Variants in GRIK1 observed in about 807,000 individuals in gnomAD.
The protein encoded by GRIK1 is glutamate ionotropic receptor kainate type subunit 1.
Under a neutral mutation model 105.7 loss-of-function variants are expected in GRIK1, and 69 were observed. The ratio of observed to expected loss-of-function variants is 0.65; its 90% CI spans 0.54 to 0.80. GRIK1 has a LOEUF of 0.80. GRIK1 is among the 30% of genes least tolerant of loss of function. The probability of loss-of-function intolerance (pLI) is 0.00; values close to 1 mark genes in which losing one functional copy is unlikely to be tolerated. For synonymous variants in GRIK1, 438 were observed against 431.3 expected (o/e 1.02, Z -0.19); for missense variants, 1,109 against 1,167.3 (o/e 0.95, Z 0.73).
intron 3 of GRIK1, among the ~76,000 whole-genome samples, chr21:29,682,528 A>G (rs1448010264): frequency 6.6e-6 from 1 of 152,130 alleles, no homozygotes; most frequent in East Asian, 1.9e-4. Context: ...AATTCAAGGT[A>G]TTATCCTTCT....
intron 16 of GRIK1, among the ~76,000 whole-genome samples, chr21:29,552,598 G>A (rs2090153421): frequency 1.3e-5 from 2 of 152,022 alleles, no homozygotes; most frequent in Non-Finnish European, 2.9e-5. Flanking sequence ...AGAAAAGATT[G>A]TTCCAAGAAC....
At chr21:29,719,081 C>CATACAT (rs1555877737) in intron 1 of GRIK1, among the ~76,000 whole-genome samples, 4 of 143,320 alleles carry the variant, frequency 2.8e-5, no homozygotes, top group African/African-American at 1.0e-4. Context: ...TGTGTATATA[C>CATACAT]ATATATATAT....
intron 11 of GRIK1, 28 bp downstream of exon 11, chr21:29,588,811 C>A (rs363433): frequency 0.16 from 190,246 of 1,173,066 alleles, 17,319 homozygotes; most frequent in Admixed American, 0.32. Flanking sequence ...TGCATATTTT[C>A]AGATATGTTA....
chr21:29,581,628 A>G, intron 12 of GRIK1, 85 bp from the exon 13 acceptor site: 1 of 724,216 alleles, frequency 1.4e-6, no homozygotes, highest in South Asian at 1.7e-5. Context: ...AGCAATGCAG[A>G]AAACCCAACA....
chr21:29,713,508 A>G (rs942117224), intron 1 of GRIK1, among the ~76,000 whole-genome samples: 8 of 152,186 alleles, frequency 5.3e-5, no homozygotes, highest in Non-Finnish European at 1.0e-4. Flanking sequence ...TTTGGAATTT[A>G]TCTTGAGGCA....
At chr21:29,784,594 C>T (rs111966126) in intron 1 of GRIK1, among the ~76,000 whole-genome samples, 30 of 152,092 alleles carry the variant, frequency 2.0e-4, no homozygotes, top group African/African-American at 7.0e-4. Flanking sequence ...TGAGACACTT[C>T]TATTTAAAGT....
At position 29,690,398 on chromosome 21, in the gene GRIK1, T is replaced by C. The variant is rs111327963; in HGVS notation, c.287-413A>G. 2.7e-3 allele frequency among the ~76,000 whole-genome samples: 405 copies of C among 152,324 alleles called. 4 individuals carry two copies. Among genetic ancestry groups the C allele is most frequent in the African/African-American group, 9.5e-3 (393 of 41,584 alleles). The stretch of plus-strand genomic sequence containing the variant: ...AGCAGGGTGGCATTGAAAATATTAA[T>C]GTGGTTATAAAATTAATGTAGAACC... On this transcript the variant is annotated intron_variant, in intron 2 of 17. Transcript: ENST00000327783.
At chr21:29,919,447 A>G (rs747455899) in intron 1 of GRIK1, among the ~76,000 whole-genome samples, 1 of 152,164 alleles carries the variant, frequency 6.6e-6, no homozygotes, top group Non-Finnish European at 1.5e-5. Context: ...AAGAAGTATT[A>G]CAGCAATCTG....
chr21:29,671,313 CAG>C (rs1211345490), intron 4 of GRIK1, among the ~76,000 whole-genome samples: 4 of 151,824 alleles, frequency 2.6e-5, no homozygotes, highest in African/African-American at 9.7e-5. Context: ...TTAGTAGAGA[CAG>C]GGTTTCACCA....
chr21:29,856,187 A>G (rs1394765073), intron 1 of GRIK1, among the ~76,000 whole-genome samples: 1 of 152,124 alleles, frequency 6.6e-6, no homozygotes, highest in Non-Finnish European at 1.5e-5. Context: ...GAGAGACTCT[A>G]TAGCGGGAGA....
chr21:29,833,975 A>T (rs1277322094), intron 1 of GRIK1, among the ~76,000 whole-genome samples: 1 of 152,192 alleles, frequency 6.6e-6, no homozygotes, highest in African/African-American at 2.4e-5. Context: ...TTATGTATAA[A>T]ATTAATTTCA....
intron 1 of GRIK1, among the ~76,000 whole-genome samples, chr21:29,917,959 CCT>C (rs2071055628): frequency 6.6e-6 from 1 of 151,768 alleles, no homozygotes; most frequent in African/African-American, 2.4e-5. Context: ...AATATGCCCC[CCT>C]GACTAAGAGA....
intron 1 of GRIK1, chr21:29,861,709 T>C (rs1234996293): frequency 6.7e-6 from 3 of 445,892 alleles, no homozygotes; most frequent in Non-Finnish European, 1.3e-5. Flanking sequence ...TCTGCATAAA[T>C]GTATTTGATT....
chr21:29,740,931 T>C (rs1403458128), intron 1 of GRIK1, among the ~76,000 whole-genome samples: 2 of 152,140 alleles, frequency 1.3e-5, no homozygotes, highest in South Asian at 2.1e-4. Flanking sequence ...CTCAAGAAGA[T>C]AGATTTTAGG....
chr21:29,876,408 T>C (rs1440990513), intron 1 of GRIK1, among the ~76,000 whole-genome samples: 2 of 152,178 alleles, frequency 1.3e-5, no homozygotes. Flanking sequence ...TTGTGTCTCA[T>C]TGTCCCAAGT....
chr21:29,814,924 C>T (rs970347869), intron 1 of GRIK1, among the ~76,000 whole-genome samples: 2 of 152,098 alleles, frequency 1.3e-5, no homozygotes, highest in African/African-American at 2.4e-5. Context: ...ATCACTTACC[C>T]GCCTGTGCAA....
chr21:29,905,966 A>T (rs1001968431), intron 1 of GRIK1, among the ~76,000 whole-genome samples: 3 of 150,596 alleles, frequency 2.0e-5, no homozygotes, highest in African/African-American at 2.5e-5. Context: ...TGTTTGTTTT[A>T]AATATCTGTT....
intron 1 of GRIK1, among the ~76,000 whole-genome samples, chr21:29,796,593 T>A (rs1402025018): frequency 1.3e-5 from 2 of 152,182 alleles, no homozygotes; most frequent in Non-Finnish European, 2.9e-5. Flanking sequence ...GCAGCGTATC[T>A]GTTTTTTTCT....
intron 7 of GRIK1, among the ~76,000 whole-genome samples, chr21:29,609,106 TAATA>T (rs1276537839): frequency 1.4e-5 from 2 of 147,708 alleles, no homozygotes; most frequent in African/African-American, 2.5e-5. Flanking sequence ...TATTAAATAA[TAATA>T]AATAAGATAA....
Sources: allele counts gnomAD v4.1 joint callset (sites outside exome capture counted in the v4.1 genomes callset), GRCh38; gene constraint gnomAD v4.1.1; transcripts MANE v1.5; gene names NCBI Gene and HGNC (gene_info 2026-07-23, HGNC 2026-07-21).